The following IL16 variants were observed in gnomAD, a reference collection of about 807,000 sequenced individuals.
IL16 encodes pro-interleukin-16.
IL16 carries 67 observed loss-of-function variants against 110.1 expected under a neutral mutation model. That is an observed-to-expected ratio of 0.61 (90% CI 0.50 to 0.75). The LOEUF (loss-of-function observed/expected upper bound fraction) is 0.75. Ranked by LOEUF, IL16 falls within the 30% of genes least tolerant of loss-of-function variation. IL16 has a pLI of 0.00. For missense variants in IL16, 1,545 were observed against 1,655.0 expected, an observed-to-expected ratio of 0.93 and a Z score of 1.15; for synonymous variants, 689 against 662.9, an observed-to-expected ratio of 1.04 and a Z score of -0.61.
At chr15:81,259,218 T>C (rs914933950) in intron 2 of IL16, among the ~76,000 whole-genome samples, 26 of 152,342 alleles carry the variant, frequency 1.7e-4, no homozygotes, top group African/African-American at 6.3e-4. Context: ...TATATAACAT[T>C]CATTCCGCAA....
intron 2 of IL16, among the ~76,000 whole-genome samples, chr15:81,246,044 A>G (rs561627400): frequency 3.3e-5 from 5 of 152,104 alleles, no homozygotes; most frequent in East Asian, 1.9e-4. Context: ...CTCTTTGCAA[A>G]TCTTTTATCT....
chr15:81,288,975 C>T (rs1174057855), intron 10 of IL16, among the ~76,000 whole-genome samples: 1 of 152,002 alleles, frequency 6.6e-6, no homozygotes, highest in Non-Finnish European at 1.5e-5. Flanking sequence ...TACTGACTTC[C>T]CTTCTTTTAG....
intron 2 of IL16, among the ~76,000 whole-genome samples, chr15:81,246,883 G>A: frequency 6.6e-6 from 1 of 151,946 alleles, no homozygotes; most frequent in East Asian, 1.9e-4. Context: ...GCCCCTAAAA[G>A]TTTCCTTGTC....
intron 1 of IL16, among the ~76,000 whole-genome samples, chr15:81,202,061 T>C (rs1479413464): frequency 6.6e-6 from 1 of 152,226 alleles, no homozygotes; most frequent in Non-Finnish European, 1.5e-5. Context: ...GTATGTAAAA[T>C]GTCTTTTCCT....
intron 2 of IL16, among the ~76,000 whole-genome samples, chr15:81,226,892 A>G (rs1018869563): frequency 6.6e-6 from 1 of 152,218 alleles, no homozygotes; most frequent in Non-Finnish European, 1.5e-5. Flanking sequence ...ATGTATCTAG[A>G]TTAGCGCTCA....
chr15:81,186,368 A>G (rs1453765718), intron 1 of IL16, among the ~76,000 whole-genome samples: 1 of 152,214 alleles, frequency 6.6e-6, no homozygotes, highest in African/African-American at 2.4e-5. Context: ...GAGTGGCAGG[A>G]CAGATTTGAA....
In IL16 at chr15:81,313,214, C is replaced by T. The variant is rs188866926; in HGVS notation, c.*4416C>T. 9.5e-6 allele frequency: 14 copies of T among 1,480,452 alleles called. No homozygotes were observed. Among genetic ancestry groups the T allele is most frequent in the Admixed American group, 9.1e-5 (4 of 43,876 alleles). The allele number at this position is 1,480,452 out of a possible 1,614,324, so 91.7% of individuals were successfully genotyped here. On this transcript the variant is annotated 3_prime_UTR_variant, in exon 19 of 19. Transcript: ENST00000683961. The stretch of plus-strand genomic sequence containing the variant: ...TGGTGTCCCAACAGCTGGAGCTCCT[C>T]GATGAGTCACGGGAGTTCTTTGCCA...
At chr15:81,198,664 T>A (rs922729430) in intron 1 of IL16, among the ~76,000 whole-genome samples, 1 of 151,646 alleles carries the variant, frequency 6.6e-6, no homozygotes, top group African/African-American at 2.4e-5. Flanking sequence ...CCCCTCCCCC[T>A]TTCTGGTTCC....
chr15:81,290,639 G>T, intron 11 of IL16, 99 bp downstream of exon 11: 1 of 757,008 alleles, frequency 1.3e-6, no homozygotes, highest in Non-Finnish European at 2.2e-6. Context: ...AATAGTAACA[G>T]CATTTACCAT....
chr15:81,238,027 C>A (rs972781238), intron 2 of IL16, among the ~76,000 whole-genome samples: 1 of 152,144 alleles, frequency 6.6e-6, no homozygotes, highest in Admixed American at 6.5e-5. Flanking sequence ...CCTCAGCCTT[C>A]CGAGTAGCTG....
chr15:81,196,543 C>T (rs1895601265), upstream of IL16, among the ~76,000 whole-genome samples: 1 of 152,216 alleles, frequency 6.6e-6, no homozygotes. Flanking sequence ...CAGCTTCCAG[C>T]ATGTGATGAG....
chr15:81,292,601 A>G lies in IL16; in HGVS notation c.1466A>G (p.Glu489Gly). 6.2e-7 allele frequency: 1 copy of G among 1,606,010 alleles called. No individual in the cohort carries two copies. Among genetic ancestry groups the G allele is most frequent in the Non-Finnish European group, 8.5e-7 (1 of 1,173,398 alleles). ...ESSWHGRPTL[E>G]KEREKNSAPP... The stretch of plus-strand genomic sequence containing the variant: ...AGTTGGCACGGGCGGCCCACCTTGG[A>G]GAAGGAACGAGAGAAGAACTCAGCA... Residue 489 changes from glutamate (E) to glycine (G), a missense_variant, in exon 12 of 19, where the codon GAG becomes GGG. Glu to Gly is a moderately conservative substitution (Grantham distance 98). Transcript: ENST00000683961.
At chr15:81,291,980 G>T in intron 11 of IL16, 1 of 456,118 alleles carries the variant, frequency 2.2e-6, no homozygotes, top group Non-Finnish European at 4.4e-6. Flanking sequence ...AGTTTGGTCT[G>T]CAGGCAGTGT....
rs747130498 is a variant in IL16 at position 81,310,974 on chromosome 15, CACA to C, written c.*2182_*2184del. ...GAAGGTTCTCTCCTCCCCAAGGAGACACAACAACTCCTAGGGCCACTGAAGATA... is the reference window on the plus strand; with the variant it reads ...GAAGGTTCTCTCCTCCCCAAGGAGACACAACTCCTAGGGCCACTGAAGATA... On this transcript the variant is annotated 3_prime_UTR_variant, in exon 19 of 19. Coordinates refer to ENST00000683961, the MANE Select transcript of IL16 (RefSeq NM_172217.5). 2.0e-5 allele frequency: 3 copies of C among 152,240 alleles called. No individual in the cohort carries two copies. Among genetic ancestry groups the C allele is most frequent in the Non-Finnish European group, 4.4e-5 (3 of 68,070 alleles). The allele number at this position is 152,240 out of a possible 1,614,324, so 9.4% of individuals were successfully genotyped here. A position where few individuals can be genotyped will look rare whatever the true frequency, so the allele number is the denominator to read the frequency against.
intron 18 of IL16, 170 bp downstream of exon 18, chr15:81,306,715 C>G (rs138030250): frequency 1.2e-6 from 1 of 800,228 alleles, no homozygotes; most frequent in African/African-American, 1.7e-5. Flanking sequence ...TACTTTTTCT[C>G]CTTTGCTCAG....
At chr15:81,216,709 C>T (rs893728820) in intron 1 of IL16, among the ~76,000 whole-genome samples, 4 of 152,046 alleles carry the variant, frequency 2.6e-5, no homozygotes, top group South Asian at 2.1e-4. Flanking sequence ...GGCTGCCTAC[C>T]GAGCATTCAT....
chr15:81,207,246 C>CAAAAAAAAAAAAAACAAAAAAAAAA (rs1896058790), intron 1 of IL16, among the ~76,000 whole-genome samples: 1 of 102,758 alleles, frequency 9.7e-6, no homozygotes, highest in Non-Finnish European at 2.5e-5. Flanking sequence ...TCAAAAAAAA[C>CAAAAAAAAAAAAAACAAAAAAAAAA]AAAAAAAAAA....
chr15:81,228,512 T>A (rs531093680), intron 2 of IL16, among the ~76,000 whole-genome samples: 2 of 151,974 alleles, frequency 1.3e-5, no homozygotes, highest in African/African-American at 2.4e-5. Flanking sequence ...TTAGTAGAAA[T>A]GGGGATTCAC....
intron 1 of IL16, among the ~76,000 whole-genome samples, chr15:81,190,300 C>T (rs1178794335): frequency 6.6e-6 from 1 of 152,228 alleles, no homozygotes; most frequent in Admixed American, 6.5e-5. Context: ...ACCACCCAGG[C>T]ACTGACCACT....
Sources: gnomAD v4.1 joint callset for allele counts (sites outside exome capture counted in the v4.1 genomes callset) on GRCh38, gnomAD v4.1.1 for gene constraint, MANE v1.5 for transcripts, NCBI Gene and HGNC (gene_info 2026-07-23, HGNC 2026-07-21) for gene names.